Variants in ATAD2 observed in about 807,000 individuals in gnomAD.
The protein encoded by ATAD2 is ATPase family AAA domain containing 2.
In ATAD2, 62 loss-of-function variants were observed where a neutral mutation model predicts 168.9. The ratio of observed to expected loss-of-function variants is 0.37; its 90% CI spans 0.30 to 0.45. The LOEUF is 0.45. Among genes scored for constraint, ATAD2 ranks in the 20% least tolerant of loss-of-function variants. The pLI is 1.00. For missense variants in ATAD2, 1,419 were observed against 1,667.8 expected, an observed-to-expected ratio of 0.85 and a Z score of 2.60; for synonymous variants, 613 against 571.6, an observed-to-expected ratio of 1.07 and a Z score of -1.03.
intron 15 of ATAD2, among the ~76,000 whole-genome samples, 169 bp from the exon 16 acceptor site, chr8:123,347,575 T>C (rs895558584): frequency 2.2e-4 from 34 of 152,278 alleles, no homozygotes; most frequent in African/African-American, 8.2e-4. Context: ...AGTAAACTTA[T>C]AGGGTAGTAA....
chr8:123,372,652 C>CT lies in ATAD2; in HGVS notation c.354dup (p.Glu119ArgfsTer18), dbSNP rs746676748. The CT allele has an allele frequency of 2.9e-4, 451 of 1,560,950 alleles. No homozygotes were observed. The highest frequency in any genetic ancestry group is 7.7e-4 in the South Asian group (65 of 84,178). ...CAGTACTTACCTTCTCTGTGCTCTT[C>CT]TTTTTTTTTATCAGCCTGCTGTCTG... On this transcript the variant is annotated frameshift_variant, in exon 3 of 28. Coordinates refer to ENST00000287394, the MANE Select transcript of ATAD2 (RefSeq NM_014109.4). LOFTEE classifies it high-confidence loss of function.
At chr8:123,413,224 GCC>G (rs34824091) in intron 1 of ATAD2, among the ~76,000 whole-genome samples, 42,341 of 129,434 alleles carry the variant, frequency 0.33, 7,369 homozygotes, top group East Asian at 0.5. Flanking sequence ...TCTAATGAGC[GCC>G]CCCCCCCCCC....
rs951758765 is a variant in ATAD2 at position 123,402,750 on chromosome 8, C to G, written c.-2281-1575G>C. Among the ~76,000 whole-genome samples, 1 of 152,084 alleles carries G rather than the reference C, an allele frequency of 6.6e-6. No homozygotes were observed. The highest frequency in any genetic ancestry group is 2.4e-5 in the African/African-American group (1 of 41,390). On this transcript the variant is annotated intron_variant, in intron 1 of 28. Transcript: ENST00000521903. This position sits in a 1 kb window ranked among gnomAD's most constrained non-coding sequence, Gnocchi z 4.8. The stretch of plus-strand genomic sequence containing the variant: ...TAGTTGAAGGCTTTAACTTTGCACA[C>G]TTTGGGATCATAGTTGCGTCATTGT...
At chr8:123,396,640 G>T (rs1396672331), upstream of ATAD2, among the ~76,000 whole-genome samples, 5 of 152,262 alleles carry the variant, frequency 3.3e-5, no homozygotes, top group Non-Finnish European at 5.9e-5. Flanking sequence ...GAGTCCTGGG[G>T]AAAACGCTGA....
chr8:123,391,485 G>GAAAAAA (rs10563871), intron 1 of ATAD2, among the ~76,000 whole-genome samples: 1 of 33,872 alleles, frequency 3.0e-5, no homozygotes, highest in African/African-American at 1.1e-4. Flanking sequence ...GAGAAGTTTT[G>GAAAAAA]AAAAAAAAAA....
chr8:123,370,299 C>G (rs1326704943), intron 6 of ATAD2, among the ~76,000 whole-genome samples: 2 of 151,966 alleles, frequency 1.3e-5, no homozygotes, highest in African/African-American at 4.8e-5. Context: ...AAGCAAGCAC[C>G]AAACTAAAAT....
At chr8:123,405,811 A>G (rs1813060528) in intron 1 of ATAD2, among the ~76,000 whole-genome samples, 1 of 152,204 alleles carries the variant, frequency 6.6e-6, no homozygotes, top group African/African-American at 2.4e-5. Context: ...CTTGCTGAAC[A>G]TTTGTTTCCA....
chr8:123,363,810 G>A (rs571624761), intron 8 of ATAD2, among the ~76,000 whole-genome samples: 1 of 152,136 alleles, frequency 6.6e-6, no homozygotes, highest in East Asian at 1.9e-4. Context: ...TTGGAAAAGT[G>A]GATTATTAGT....
intron 8 of ATAD2, among the ~76,000 whole-genome samples, chr8:123,364,493 C>T (rs1244011244): frequency 6.6e-6 from 1 of 152,098 alleles, no homozygotes; most frequent in Non-Finnish European, 1.5e-5. Flanking sequence ...TATAGACCAA[C>T]ATCCCTGCGA....
At position 123,346,146 on chromosome 8, in the gene ATAD2, T is replaced by C. The variant is rs1392646205; in HGVS notation, c.2472A>G (p.Thr824=). 3.1e-6 allele frequency: 5 copies of C among 1,610,686 alleles called. No individual in the cohort carries two copies. The highest frequency in any genetic ancestry group is 2.7e-5 in the African/African-American group (2 of 74,782). ...CTCCAAAAAGAACAGGAATGTCTAA[T>C]GTATATACAGTAAACTTTTCCAAAG... is the stretch of plus-strand genomic sequence containing the variant. ...IHALEKFTVY[T]LDIPVLFGVS... is the part of the protein sequence containing the mutation. Residue 824 remains threonine (T), a synonymous_variant, in exon 18 of 28, where the codon ACA becomes ACG. Transcript: ENST00000287394.
At chr8:123,403,541 A>G (rs1389755795) in intron 1 of ATAD2, among the ~76,000 whole-genome samples, 1 of 151,852 alleles carries the variant, frequency 6.6e-6, no homozygotes, top group Admixed American at 6.6e-5. Context: ...GATTCAACCA[A>G]TCCTCCCACC....
intron 1 of ATAD2, among the ~76,000 whole-genome samples, chr8:123,412,887 T>C (rs1266895214): frequency 6.6e-6 from 1 of 152,112 alleles, no homozygotes; most frequent in Non-Finnish European, 1.5e-5. Context: ...CCCATTAAAA[T>C]GCCTGCTTAA....
At chr8:123,359,731 C>G (rs1173770633) in intron 9 of ATAD2, 46 bp from the exon 10 acceptor site, 1 of 1,287,788 alleles carries the variant, frequency 7.8e-7, no homozygotes, top group Non-Finnish European at 1.1e-6. Flanking sequence ...ATCAACTCAC[C>G]CTCCTTCCCA....
In ATAD2 at chr8:123,346,066, C is replaced by G. The variant is rs747759947; in HGVS notation, c.2532+20G>C. ...CTCTGAAAGCCTGTTTTGTCTTATA[C>G]TTGGGCACCAACAAATTACCTGGGC... On this transcript the variant is annotated intron_variant, in intron 18 of 27. Transcript: ENST00000287394. The G allele has an allele frequency of 2.0e-6, 3 of 1,481,644 alleles. No individual in the cohort carries two copies. The highest frequency in any genetic ancestry group is 2.7e-6 in the Non-Finnish European group (3 of 1,115,386). The allele number at this position is 1,481,644 out of a possible 1,614,324, so 91.8% of individuals were successfully genotyped here. A position where few individuals can be genotyped will look rare whatever the true frequency, so the allele number is the denominator to read the frequency against.
In ATAD2 at chr8:123,361,543, T is replaced by G. The variant is rs781257156; in HGVS notation, c.1153A>C (p.Asn385His). The G allele has an allele frequency of 2.5e-6, 4 of 1,611,862 alleles. No individual in the cohort carries two copies. Among genetic ancestry groups the G allele is most frequent in the Non-Finnish European group, 3.4e-6 (4 of 1,178,210 alleles). The change falls in exon 9 of 28, where the codon AAT becomes CAT. Residue 385 changes from asparagine (N) to histidine (H), a missense_variant. Around this residue, in one of 5 missense-constraint regions of ATAD2, gnomAD observed 146 missense variants for 188.3 expected, o/e 0.78. Transcript: ENST00000287394. ...RRKRSRNRAI[N>H]RCLPLNFRKD... ...AGGCATCAATATGGCACTTACCTAT[T>G]GATAGCCCTATTACGACTCCTTTTC...
At chr8:123,398,753 C>T (rs1812959932), upstream of ATAD2, among the ~76,000 whole-genome samples, 1 of 152,150 alleles carries the variant, frequency 6.6e-6, no homozygotes, top group African/African-American at 2.4e-5. Flanking sequence ...AATCCTCCCA[C>T]CACAGCCTCC....
upstream of ATAD2, among the ~76,000 whole-genome samples, chr8:123,399,190 A>G (rs1176170805): frequency 1.3e-5 from 2 of 149,008 alleles, no homozygotes; most frequent in Admixed American, 1.3e-4. Flanking sequence ...TGAACCTGGG[A>G]GGCAGAGGTT....
intron 8 of ATAD2, among the ~76,000 whole-genome samples, chr8:123,365,597 C>G (rs1828952525): frequency 6.6e-6 from 1 of 152,074 alleles, no homozygotes; most frequent in African/African-American, 2.4e-5. Flanking sequence ...ACAAATGGAA[C>G]AGAATAGAGA....
intron 11 of ATAD2, among the ~76,000 whole-genome samples, chr8:123,358,083 G>GA (rs904498765): frequency 3.3e-5 from 5 of 152,140 alleles, no homozygotes; most frequent in Non-Finnish European, 5.9e-5. Context: ...GAAGAAATGT[G>GA]AAAGAAAATT....
Sources: allele counts gnomAD v4.1 joint callset (sites outside exome capture counted in the v4.1 genomes callset), GRCh38; gene constraint gnomAD v4.1.1; regional missense constraint gnomAD v4.1.1; non-coding constraint Gnocchi (gnomAD v3.1); transcripts MANE v1.5; gene names NCBI Gene and HGNC (gene_info 2026-07-23, HGNC 2026-07-21).